Variants in CHCHD6 observed in about 807,000 individuals in gnomAD.
The protein encoded by CHCHD6 is MICOS complex subunit MIC25.
A neutral mutation model predicts 32.3 loss-of-function variants in CHCHD6; 28 were observed. The observed-to-expected ratio is 0.87, with a 90% CI of 0.64 to 1.19. The LOEUF is 1.19. Among genes scored for constraint, CHCHD6 ranks in the 50% most tolerant of loss-of-function variants. CHCHD6 has a pLI of 0.00. For missense variants in CHCHD6, 333 were observed against 307.0 expected (o/e 1.08, Z -0.63); for synonymous variants, 122 against 117.5 (o/e 1.04, Z -0.25).
intron 5 of CHCHD6, among the ~76,000 whole-genome samples, chr3:126,859,888 G>A (rs549667725): frequency 2.0e-5 from 3 of 152,346 alleles, no homozygotes; most frequent in Non-Finnish European, 4.4e-5. Flanking sequence ...TCATGCTGGC[G>A]TGAAGGCCCC....
chr3:126,920,557 G>GTTAGCTTC (rs2107593612), intron 6 of CHCHD6, among the ~76,000 whole-genome samples: 1 of 152,252 alleles, frequency 6.6e-6, no homozygotes, highest in South Asian at 2.1e-4. Context: ...GCCTCTTTTA[G>GTTAGCTTC]TTAGCTTCTT....
intron 5 of CHCHD6, among the ~76,000 whole-genome samples, chr3:126,866,623 G>A (rs566001623): frequency 6.6e-6 from 1 of 152,326 alleles, no homozygotes; most frequent in African/African-American, 2.4e-5. Flanking sequence ...ACTCTACTGG[G>A]CCACCTCAGA....
intron 5 of CHCHD6, among the ~76,000 whole-genome samples, chr3:126,911,694 C>T (rs915964257): frequency 6.6e-6 from 1 of 152,238 alleles, no homozygotes; most frequent in Non-Finnish European, 1.5e-5. Flanking sequence ...CATGTTCAAA[C>T]TGAGCTTGCA....
At chr3:126,959,010 C>T (rs191827671) in intron 7 of CHCHD6, among the ~76,000 whole-genome samples, 69 of 152,364 alleles carry the variant, frequency 4.5e-4, no homozygotes, top group Middle Eastern at 3.4e-3. Flanking sequence ...GCAGGGCCTA[C>T]GCCTCAGTGG....
intron 1 of CHCHD6, among the ~76,000 whole-genome samples, chr3:126,704,611 G>A (rs1368238087): frequency 1.3e-5 from 2 of 152,314 alleles, no homozygotes; most frequent in African/African-American, 2.4e-5. Context: ...AGGGAAGGAG[G>A]AGTGAAGAAC....
intron 6 of CHCHD6, among the ~76,000 whole-genome samples, chr3:126,932,764 G>A (rs2078424463): frequency 1.3e-5 from 2 of 152,222 alleles, no homozygotes; most frequent in Non-Finnish European, 2.9e-5. Flanking sequence ...ACCAGATCGG[G>A]CTGACACAGC....
chr3:126,909,123 G>A lies in CHCHD6; in HGVS notation c.496-5557G>A, dbSNP rs114780334. Among the ~76,000 whole-genome samples the A allele has an allele frequency of 2.2e-3, 332 of 152,358 alleles. 1 individual carries two copies. The highest frequency in any genetic ancestry group is 7.6e-3 in the African/African-American group (315 of 41,584). On this transcript the variant is annotated intron_variant, in intron 5 of 7. Coordinates refer to ENST00000290913, the MANE Select transcript of CHCHD6 (RefSeq NM_032343.3). ...GCGCCCAGCACAGCCTGTGCACACC[G>A]TAGGCCGTGAATGACTGCTGTTAAC... is the stretch of plus-strand genomic sequence containing the variant.
At chr3:126,931,258 G>A (rs2078401059) in intron 6 of CHCHD6, among the ~76,000 whole-genome samples, 1 of 152,240 alleles carries the variant, frequency 6.6e-6, no homozygotes, top group Admixed American at 6.5e-5. Flanking sequence ...GGTTTCCCAG[G>A]GACCAGGGGC....
At chr3:126,841,641 C>T (rs141285111) in intron 4 of CHCHD6, among the ~76,000 whole-genome samples, 1 of 152,032 alleles carries the variant, frequency 6.6e-6, no homozygotes, top group Non-Finnish European at 1.5e-5. Context: ...CGTGGTTGCT[C>T]ACGCCTGTAA....
intron 5 of CHCHD6, among the ~76,000 whole-genome samples, chr3:126,889,488 C>T (rs1384067327): frequency 6.6e-6 from 1 of 152,168 alleles, no homozygotes. Flanking sequence ...TACTCGGGCT[C>T]CTCAGCACCC....
At chr3:126,823,290 C>CA (rs1160138449) in intron 4 of CHCHD6, among the ~76,000 whole-genome samples, 1 of 152,148 alleles carries the variant, frequency 6.6e-6, no homozygotes, top group Non-Finnish European at 1.5e-5. Context: ...ATTTCAGAAT[C>CA]AAACTTGTCA....
chr3:126,711,782 G>T (rs553191773), intron 1 of CHCHD6, among the ~76,000 whole-genome samples: 5 of 152,312 alleles, frequency 3.3e-5, no homozygotes, highest in African/African-American at 1.2e-4. Context: ...GATGGAGCCC[G>T]CATCAGGAAT....
chr3:126,778,895 C>T (rs1222880755), intron 4 of CHCHD6, among the ~76,000 whole-genome samples: 3 of 151,446 alleles, frequency 2.0e-5, no homozygotes, highest in East Asian at 1.9e-4. Context: ...GCTGGAACTA[C>T]AGCCATGTGC....
At chr3:126,852,028 C>T (rs1941492197) in intron 4 of CHCHD6, among the ~76,000 whole-genome samples, 4 of 152,216 alleles carry the variant, frequency 2.6e-5, no homozygotes, top group African/African-American at 9.6e-5. Flanking sequence ...GGGACTCAAC[C>T]ATCCCCATCA....
At chr3:126,870,792 G>C (rs2077457205) in intron 5 of CHCHD6, among the ~76,000 whole-genome samples, 1 of 152,228 alleles carries the variant, frequency 6.6e-6, no homozygotes, top group Admixed American at 6.5e-5. Context: ...TTCTTCAGCA[G>C]CCTGGACCGG....
intron 4 of CHCHD6, among the ~76,000 whole-genome samples, chr3:126,828,223 A>G (rs1045146040): frequency 6.6e-6 from 1 of 151,934 alleles, no homozygotes; most frequent in South Asian, 2.1e-4. Context: ...TAAGCTAAGG[A>G]CTCTGCCAAA....
intron 4 of CHCHD6, among the ~76,000 whole-genome samples, chr3:126,810,899 G>T (rs988921995): frequency 6.6e-6 from 1 of 152,136 alleles, no homozygotes; most frequent in Non-Finnish European, 1.5e-5. Context: ...GAGAGGCTGG[G>T]CTCAGTTGTA....
At chr3:126,730,149 C>T (rs1373835863) in intron 2 of CHCHD6, among the ~76,000 whole-genome samples, 2 of 152,160 alleles carry the variant, frequency 1.3e-5, no homozygotes, top group Non-Finnish European at 2.9e-5. Context: ...AAAGAGCCCC[C>T]ACCCCTTCCC....
chr3:126,955,388 C>A (rs183985151), intron 6 of CHCHD6, among the ~76,000 whole-genome samples: 1 of 152,252 alleles, frequency 6.6e-6, no homozygotes, highest in African/African-American at 2.4e-5. Flanking sequence ...AAACCCCCCC[C>A]ACCCAGTCCT....
Sources: allele counts gnomAD v4.1 joint callset (sites outside exome capture counted in the v4.1 genomes callset), GRCh38; gene constraint gnomAD v4.1.1; transcripts MANE v1.5; gene names NCBI Gene and HGNC (gene_info 2026-07-23, HGNC 2026-07-21).